Variants in NYAP2 observed in about 807,000 individuals in gnomAD.
NYAP2 encodes the protein neuronal tyrosine-phosphorylated phosphoinositide-3-kinase adaptor 2.
In NYAP2, 23 loss-of-function variants were observed where a neutral mutation model predicts 50.4. That is an observed-to-expected ratio of 0.46 (90% CI 0.33 to 0.65). The LOEUF is 0.65. Ranked by LOEUF, NYAP2 falls within the 30% of genes least tolerant of loss-of-function variation. The pLI, the probability that NYAP2 is intolerant of heterozygous loss-of-function variation, is 0.02. For missense variants in NYAP2, 885 were observed against 861.0 expected (o/e 1.03, Z -0.35); for synonymous variants, 394 against 365.2 (o/e 1.08, Z -0.90).
the NYAP2 span, among the ~76,000 whole-genome samples, chr2:225,692,982 A>G: frequency 2.0e-5 from 3 of 152,062 alleles, no homozygotes; most frequent in Non-Finnish European, 4.4e-5. Context: ...AAGAGTGTAT[A>G]GTGGGTTCCC....
chr2:225,450,610 G>A (rs1689634334), intron 3 of NYAP2, among the ~76,000 whole-genome samples: 1 of 152,228 alleles, frequency 6.6e-6, no homozygotes, highest in Admixed American at 6.5e-5. Context: ...ATGTGCCTCA[G>A]TTTCCTCAAC....
chr2:225,507,779 G>T (rs930165287), intron 3 of NYAP2, among the ~76,000 whole-genome samples: 4 of 152,216 alleles, frequency 2.6e-5, no homozygotes, highest in Admixed American at 2.0e-4. Context: ...TTATATATCA[G>T]ACTGCTAAAT....
chr2:225,410,613 T>G (rs1052976053), intron 3 of NYAP2, among the ~76,000 whole-genome samples: 2 of 152,124 alleles, frequency 1.3e-5, no homozygotes, highest in African/African-American at 4.8e-5. Context: ...TAATAAATCC[T>G]TTTCTATAAG....
At chr2:225,448,127 G>T (rs548411223) in intron 3 of NYAP2, among the ~76,000 whole-genome samples, 2 of 152,294 alleles carry the variant, frequency 1.3e-5, no homozygotes, top group Admixed American at 1.3e-4. Flanking sequence ...GATAGATCCA[G>T]CTCTCTGAAA....
chr2:225,613,584 G>A (rs1268038707), intron 5 of NYAP2, among the ~76,000 whole-genome samples: 3 of 152,164 alleles, frequency 2.0e-5, no homozygotes, highest in East Asian at 3.9e-4. Flanking sequence ...ACATTTGTAA[G>A]GAGTCTAGTG....
chr2:225,577,782 C>A (rs758336315), intron 4 of NYAP2, among the ~76,000 whole-genome samples: 3 of 149,450 alleles, frequency 2.0e-5, no homozygotes, highest in African/African-American at 4.9e-5. Context: ...ATTACAAGGA[C>A]GGATGTCAGG....
intron 5 of NYAP2, among the ~76,000 whole-genome samples, chr2:225,613,205 A>G (rs545367431): frequency 1.3e-5 from 2 of 152,322 alleles, no homozygotes; most frequent in Admixed American, 1.3e-4. Flanking sequence ...CTATGGCTGA[A>G]GGCCTGAGAG....
At chr2:225,417,246 G>A (rs1243370041) in intron 3 of NYAP2, among the ~76,000 whole-genome samples, 4 of 152,136 alleles carry the variant, frequency 2.6e-5, no homozygotes, top group African/African-American at 9.6e-5. Flanking sequence ...CTAGAATAGA[G>A]CCTGAGCATG....
At chr2:225,697,902 G>A in the NYAP2 span, among the ~76,000 whole-genome samples, 1 of 151,880 alleles carries the variant, frequency 6.6e-6, no homozygotes, top group African/African-American at 2.4e-5. Context: ...ACTGGGCATA[G>A]TAGCTCACAT....
At chr2:225,564,386 C>T (rs1039219709) in intron 4 of NYAP2, among the ~76,000 whole-genome samples, 1 of 151,624 alleles carries the variant, frequency 6.6e-6, no homozygotes. Flanking sequence ...TTTTTAGTAA[C>T]CCCTAAGAGC....
At chr2:225,645,530 T>G (rs930085492) in intron 6 of NYAP2, among the ~76,000 whole-genome samples, 1 of 152,126 alleles carries the variant, frequency 6.6e-6, no homozygotes, top group Non-Finnish European at 1.5e-5. Context: ...TTTCTCATTT[T>G]TTTCTTATTC....
chr2:225,592,972 C>A (rs142148642), intron 5 of NYAP2, among the ~76,000 whole-genome samples: 165 of 152,276 alleles, frequency 1.1e-3, no homozygotes, highest in African/African-American at 3.9e-3. Context: ...CCAAGATTCC[C>A]TCAGTAGTAT....
intron 4 of NYAP2, among the ~76,000 whole-genome samples, chr2:225,555,749 T>C (rs1440110223): frequency 1.3e-5 from 2 of 152,152 alleles, no homozygotes; most frequent in Non-Finnish European, 2.9e-5. Flanking sequence ...TCCAACTCAT[T>C]TAAAGCTGAG....
intron 4 of NYAP2, among the ~76,000 whole-genome samples, chr2:225,545,158 T>C (rs1022670103): frequency 6.6e-6 from 1 of 152,204 alleles, no homozygotes; most frequent in Non-Finnish European, 1.5e-5. Context: ...TTAAATGCCA[T>C]GAGGTAGTTT....
intron 3 of NYAP2, among the ~76,000 whole-genome samples, chr2:225,436,756 A>C (rs867234177): frequency 6.7e-5 from 10 of 150,288 alleles, no homozygotes; most frequent in African/African-American, 2.4e-4. Context: ...AAAAAAAAAA[A>C]AAAGAGAGAA....
exon 7 of NYAP2, chr2:225,651,813 G>A (rs905652393): frequency 4.3e-6 from 2 of 460,942 alleles, no homozygotes; most frequent in Admixed American, 4.1e-5. Context: ...TAATATAAAT[G>A]TAGTAAACTT....
chr2:225,656,426 C>A (rs1346258840), downstream of NYAP2, among the ~76,000 whole-genome samples: 1 of 152,178 alleles, frequency 6.6e-6, no homozygotes, highest in Non-Finnish European at 1.5e-5. Context: ...CTTTTCATAG[C>A]AGCCCCCTGG....
chr2:225,505,346 G>A (rs1690685902), intron 3 of NYAP2, among the ~76,000 whole-genome samples: 1 of 152,190 alleles, frequency 6.6e-6, no homozygotes, highest in Non-Finnish European at 1.5e-5. Context: ...CCTAAGGCAA[G>A]AAATCCACAA....
At chr2:225,637,625 G>T (rs1411472980) in intron 6 of NYAP2, among the ~76,000 whole-genome samples, 2 of 152,084 alleles carry the variant, frequency 1.3e-5, no homozygotes, top group Non-Finnish European at 1.5e-5. Context: ...ATGCATAACA[G>T]AATTCTCATT....
Sources: gnomAD v4.1 joint callset for allele counts (sites outside exome capture counted in the v4.1 genomes callset) on GRCh38, gnomAD v4.1.1 for gene constraint, MANE v1.5 for transcripts, NCBI Gene and HGNC (gene_info 2026-07-23, HGNC 2026-07-21) for gene names.